Variants in CDK10 observed in about 807,000 individuals in gnomAD.
The protein encoded by CDK10 is cyclin-dependent kinase 10.
A neutral mutation model predicts 51.0 loss-of-function variants in CDK10; 55 were observed. That is an observed-to-expected ratio of 1.08 (90% confidence interval 0.87 to 1.35). The LOEUF (loss-of-function observed/expected upper bound fraction) is 1.35, where lower values mean the gene tolerates loss of function less well. CDK10 is among the 40% of genes most tolerant of loss of function. The probability of loss-of-function intolerance (pLI) is 0.00; values close to 1 mark genes in which losing one functional copy is unlikely to be tolerated. For synonymous variants in CDK10, 255 were observed against 199.1 expected, an observed-to-expected ratio of 1.28 and a Z score of -2.36; for missense variants, 589 against 485.1, an observed-to-expected ratio of 1.21 and a Z score of -2.01.
At chr16:89,694,625 G>A in intron 9 of CDK10, 40 bp from the exon 10 acceptor site, 1 of 1,564,806 alleles carries the variant, frequency 6.4e-7, no homozygotes, top group Non-Finnish European at 8.6e-7. Flanking sequence ...GGCGGGGTCA[G>A]CAGACGTCTG....
In CDK10 at chr16:89,695,647, C is replaced by T. The variant is rs757609553; in HGVS notation, c.1038C>T (p.Ala346=). The change falls in exon 13 of 13, where the codon GCC becomes GCT. Residue 346 remains alanine (A), a synonymous_variant. Transcript: ENST00000353379. ...TTCCCCACCACCGCAACAAGCGGGC[C>T]GCCCCAGCCACCTCCGAGGGCCAGA... ...PTFPHHRNKR[A]APATSEGQSK... 5.4e-5 allele frequency: 87 copies of T among 1,604,710 alleles called. No individual in the cohort carries two copies. In the South Asian group the frequency reaches 5.7e-4, roughly 10 times the overall value.
In CDK10 at chr16:89,696,255, C is replaced by T. The variant is rs1597885315; in HGVS notation, c.*563C>T. On this transcript the variant is annotated 3_prime_UTR_variant, in exon 13 of 13. Coordinates refer to ENST00000353379, the MANE Select transcript of CDK10 (RefSeq NM_052988.5). Reference sequence around the variant, plus strand: ...GGAGAGCCCTGGGCTGGAGGCTGAGCTGCATCCCTGCTCCCCACATGGAGG... The same window carrying T: ...GGAGAGCCCTGGGCTGGAGGCTGAGTTGCATCCCTGCTCCCCACATGGAGG... 4.1e-6 allele frequency: 1 copy of T among 241,006 alleles called. No individual in the cohort carries two copies. Among genetic ancestry groups the T allele is most frequent in the East Asian group, 1.0e-4 (1 of 9,710 alleles). 14.9% of individuals were successfully genotyped at this position (241,006 alleles called of 1,614,324 possible). A position where few individuals can be genotyped will look rare whatever the true frequency, so the allele number is the denominator to read the frequency against.
In CDK10 at chr16:89,694,982, T is replaced by C. The variant is rs769784266; in HGVS notation, c.844T>C (p.Tyr282His). 2 of 1,613,432 alleles carry C rather than the reference T, an allele frequency of 1.2e-6. No homozygotes were observed. Among genetic ancestry groups the C allele is most frequent in the Non-Finnish European group, 1.7e-6 (2 of 1,180,030 alleles). The change falls in exon 11 of 13, where the codon TAC becomes CAC. Residue 282 changes from tyrosine to histidine, a missense_variant. Transcript: ENST00000353379. ...CCAGTACAGCCTCCGGAAGCAGCCC[T>C]ACAACAACCTGAAGCACAAGTTCCC... ...VGQYSLRKQP[Y>H]NNLKHKFPWL... is the part of the protein sequence containing the mutation.
Position 89,695,023 on chromosome 16 carries a change from C to G in CDK10, c.885C>G (p.Ala295=). ...LKHKFPWLSE[A]GLRLLHFLFM... ...ACAAGTTCCCATGGCTGTCGGAGGC[C>G]GGGCTGCGCCTGCTGCACTTCCTGT... Residue 295 remains alanine, a synonymous_variant, in exon 11 of 13, where the codon GCC becomes GCG. Coordinates refer to ENST00000353379, the MANE Select transcript of CDK10 (RefSeq NM_052988.5). 1 of 1,613,238 alleles carries G rather than the reference C, an allele frequency of 6.2e-7. No homozygotes were observed. Among genetic ancestry groups the G allele is most frequent in the African/African-American group, 1.3e-5 (1 of 75,060 alleles).
rs745877384 is a variant in CDK10 at position 89,694,250 on chromosome 16, C to T, written c.668+18C>T. ...GACATGTGGTGAGGAGATACGGTTA[C>T]CGCTCCTGGGGCCTCAGGAAGGGCT... On this transcript the variant is annotated intron_variant, in intron 9 of 12. Transcript: ENST00000353379. 2 of 1,613,020 alleles carry T rather than the reference C, an allele frequency of 1.2e-6. No homozygotes were observed. The highest frequency in any genetic ancestry group is 1.7e-6 in the Non-Finnish European group (2 of 1,179,204).
intron 9 of CDK10, 182 bp downstream of exon 9, chr16:89,694,414 C>A: frequency 1.2e-6 from 1 of 843,354 alleles, no homozygotes; most frequent in Non-Finnish European, 1.9e-6. Context: ...GAGAACTTAG[C>A]TTGCTGTTCT....
chr16:89,688,939 A>T (rs2151562203), intron 1 of CDK10, among the ~76,000 whole-genome samples: 1 of 152,282 alleles, frequency 6.6e-6, no homozygotes, highest in South Asian at 2.1e-4. Flanking sequence ...AGTCTCTACT[A>T]AAAATAGAAA....
intron 3 of CDK10, among the ~76,000 whole-genome samples, chr16:89,691,097 C>A (rs1254957432): frequency 3.9e-5 from 6 of 152,174 alleles, no homozygotes; most frequent in Non-Finnish European, 8.8e-5. Context: ...ACCAGCCTGA[C>A]CAACATGGAG....
At chr16:89,686,974 C>G (rs1019382957) in intron 1 of CDK10, 177 bp downstream of exon 1, 23 of 545,134 alleles carry the variant, frequency 4.2e-5, no homozygotes, top group Non-Finnish European at 7.3e-5. Flanking sequence ...TCAGGACCCC[C>G]GACAGCCGGT....
At chr16:89,689,942 C>G (rs904371410) in intron 2 of CDK10, 1 of 154,120 alleles carries the variant, frequency 6.5e-6, no homozygotes, top group Non-Finnish European at 1.4e-5. Flanking sequence ...CCTCGGCCTC[C>G]CAAAGCACTG....
At position 89,693,485 on chromosome 16, in the gene CDK10, A is replaced by AT; in HGVS notation, c.608+19dup. On this transcript the variant is annotated intron_variant, in intron 8 of 12. Transcript: ENST00000353379. Reference sequence around the variant, plus strand: ...ACTCTCTGGTAAGTCCTTCTGAAGCATGGTGGCCCCTGGGGACCAGGCCTG... The same window carrying AT: ...ACTCTCTGGTAAGTCCTTCTGAAGCATTGGTGGCCCCTGGGGACCAGGCCTG... The AT allele has an allele frequency of 6.2e-7, 1 of 1,613,414 alleles. No homozygotes were observed. Among genetic ancestry groups the AT allele is most frequent in the South Asian group, 1.1e-5 (1 of 91,054 alleles).
rs184050237 is a variant in CDK10, at chr16:89,691,490, C to T, written c.280C>T (p.Arg94Cys). ...LREITLLLRL[R>C]HPNIVELKEV... Reference sequence around the variant, plus strand: ...GGAGATCACGCTGCTGCTCCGCCTGCGTCATCCGAACATCGTGGAGCTGAA... The same window carrying T: ...GGAGATCACGCTGCTGCTCCGCCTGTGTCATCCGAACATCGTGGAGCTGAA... Residue 94 changes from arginine to cysteine, a missense_variant, in exon 4 of 13, where the codon CGT (arginine) becomes TGT (cysteine). Arg to Cys is a radical substitution (Grantham distance 180). Coordinates refer to ENST00000353379, the MANE Select transcript of CDK10 (RefSeq NM_052988.5). 4.1e-5 allele frequency: 66 copies of T among 1,613,888 alleles called. No homozygotes were observed. In the African/African-American group the frequency reaches 5.7e-4, roughly 14 times the overall value.
In CDK10 at chr16:89,690,558, G is replaced by A. The variant is rs780115300; in HGVS notation, c.166G>A (p.Ala56Thr). 10 of 1,614,016 alleles carry A rather than the reference G, an allele frequency of 6.2e-6. 1 individual carries two copies. The South Asian group carries it at 1.1e-4, about 18-fold the overall frequency. Residue 56 changes from alanine to threonine, a missense_variant, in exon 3 of 13, where the codon GCC (alanine) becomes ACC (threonine). Ala to Thr is a moderately conservative substitution (Grantham distance 58). Coordinates refer to ENST00000353379, the MANE Select transcript of CDK10 (RefSeq NM_052988.5). Reference sequence around the variant, plus strand: ...CCAATGTGTTTCCATTCCAGATCGGGCCCGGGACACCCAGACAGATGAGAT... The same window carrying A: ...CCAATGTGTTTCCATTCCAGATCGGACCCGGGACACCCAGACAGATGAGAT... ...GEGTYGIVYR[A>T]RDTQTDEIVA... is the part of the protein sequence containing the mutation.
At chr16:89,695,259 C>G (rs762353549) in intron 11 of CDK10, 34 bp from the exon 12 acceptor site, 15 of 1,591,528 alleles carry the variant, frequency 9.4e-6, no homozygotes, top group Middle Eastern at 1.7e-4. Context: ...AAGCCGCACT[C>G]ACAAGTCGCA....
Position 89,690,560 on chromosome 16 carries a change from C to G in CDK10, c.168C>G (p.Ala56=), listed in dbSNP as rs1294884563. Residue 56 remains alanine (A), a synonymous_variant, in exon 3 of 13, where the codon GCC becomes GCG. Coordinates refer to ENST00000353379, the MANE Select transcript of CDK10 (RefSeq NM_052988.5). ...GEGTYGIVYR[A]RDTQTDEIVA... ...AATGTGTTTCCATTCCAGATCGGGC[C>G]CGGGACACCCAGACAGATGAGATTG... is the stretch of plus-strand genomic sequence containing the variant. 3 of 1,614,018 alleles carry G rather than the reference C, an allele frequency of 1.9e-6. No homozygotes were observed. Among genetic ancestry groups the G allele is most frequent in the Non-Finnish European group, 2.5e-6 (3 of 1,179,960 alleles).
intron 1 of CDK10, among the ~76,000 whole-genome samples, chr16:89,688,873 G>A (rs1433053884): frequency 6.6e-6 from 1 of 152,192 alleles, no homozygotes; most frequent in African/African-American, 2.4e-5. Flanking sequence ...GGCCAAGGCG[G>A]GCAGATCACT....
intron 9 of CDK10, 56 bp downstream of exon 9, chr16:89,694,288 G>T: frequency 6.4e-7 from 1 of 1,559,924 alleles, no homozygotes; most frequent in Non-Finnish European, 8.8e-7. Flanking sequence ...GACAGGAGCC[G>T]GGTCACCTGG....
Position 89,694,698 on chromosome 16 carries a change from G to C in CDK10, c.702G>C (p.Ala234=). The change falls in exon 10 of 13, where the codon GCG becomes GCC. Residue 234 remains alanine (A), a synonymous_variant. Coordinates refer to ENST00000353379, the MANE Select transcript of CDK10 (RefSeq NM_052988.5). ...GCTGCATACTGGCCGAGCTGCTGGCGCACAGGCCTCTTCTCCCCGGCACTT... is the reference window on the plus strand; with the variant it reads ...GCTGCATACTGGCCGAGCTGCTGGCCCACAGGCCTCTTCTCCCCGGCACTT... ...AVGCILAELL[A]HRPLLPGTSE... is the part of the protein sequence containing the mutation. 6.3e-7 allele frequency: 1 copy of C among 1,587,716 alleles called. No individual in the cohort carries two copies.
intron 3 of CDK10, among the ~76,000 whole-genome samples, 172 bp from the exon 4 acceptor site, chr16:89,691,271 G>A (rs1300148980): frequency 2.0e-5 from 3 of 151,174 alleles, no homozygotes; most frequent in Non-Finnish European, 4.4e-5. Flanking sequence ...GGCAACGAGC[G>A]AAACTCCGTC....
Sources: allele counts gnomAD v4.1 joint callset (sites outside exome capture counted in the v4.1 genomes callset), GRCh38; gene constraint gnomAD v4.1.1; transcripts MANE v1.5; gene names NCBI Gene and HGNC (gene_info 2026-07-23, HGNC 2026-07-21).